The following NIBAN1 variants were observed in gnomAD, a reference collection of about 807,000 sequenced individuals.
NIBAN1 encodes protein Niban 1.
A neutral mutation model predicts 75.1 loss-of-function variants in NIBAN1; 81 were observed. That is an observed-to-expected ratio of 1.08 (90% CI 0.90 to 1.30). The LOEUF (loss-of-function observed/expected upper bound fraction) is 1.30. NIBAN1 is among the 50% of genes most tolerant of loss of function. The probability of loss-of-function intolerance (pLI) is 0.00; values close to 1 mark genes in which losing one functional copy is unlikely to be tolerated. For synonymous variants in NIBAN1, 436 were observed against 424.8 expected (o/e 1.03, Z -0.32); for missense variants, 1,133 against 1,128.1 (o/e 1.00, Z -0.06).
intron 2 of NIBAN1, among the ~76,000 whole-genome samples, chr1:184,897,896 G>T (rs1456075695): frequency 6.6e-6 from 1 of 151,998 alleles, no homozygotes; most frequent in Non-Finnish European, 1.5e-5. Flanking sequence ...GTCCAATTTG[G>T]CATCATTCTT....
chr1:184,828,609 T>G (rs1654910007), intron 6 of NIBAN1, among the ~76,000 whole-genome samples: 1 of 152,202 alleles, frequency 6.6e-6, no homozygotes, highest in Admixed American at 6.5e-5. Flanking sequence ...AGAGGCCATT[T>G]CCTTTTACCA....
At chr1:184,890,477 G>T (rs476539) in intron 3 of NIBAN1, among the ~76,000 whole-genome samples, 55,511 of 152,052 alleles carry the variant, frequency 0.37, 10,985 homozygotes, top group South Asian at 0.5. Flanking sequence ...TTTACCCTAG[G>T]TATGTTCTCG....
chr1:184,817,594 G>T (rs897584588), intron 9 of NIBAN1, among the ~76,000 whole-genome samples: 4 of 152,162 alleles, frequency 2.6e-5, no homozygotes, highest in African/African-American at 4.8e-5. Flanking sequence ...ATCTCACTGT[G>T]GTTTTGATTT....
chr1:184,882,127 C>A (rs779192279), intron 5 of NIBAN1, among the ~76,000 whole-genome samples: 4 of 152,130 alleles, frequency 2.6e-5, no homozygotes, highest in Admixed American at 6.5e-5. Flanking sequence ...CATCTGCATG[C>A]GGGTAGAGGA....
intron 5 of NIBAN1, among the ~76,000 whole-genome samples, chr1:184,870,676 T>C (rs999061948): frequency 6.6e-6 from 1 of 152,212 alleles, no homozygotes; most frequent in African/African-American, 2.4e-5. Context: ...GAAGCAGCCT[T>C]TGTAAAACTG....
At chr1:184,798,873 G>A (rs889886711) in intron 12 of NIBAN1, among the ~76,000 whole-genome samples, 11 of 151,730 alleles carry the variant, frequency 7.2e-5, no homozygotes. Context: ...TTTTGCATTT[G>A]TTTTTGAGAT....
intron 5 of NIBAN1, among the ~76,000 whole-genome samples, chr1:184,844,393 C>T (rs911450170): frequency 3.3e-5 from 5 of 152,208 alleles, no homozygotes; most frequent in Admixed American, 6.5e-5. Flanking sequence ...GAATATTCTA[C>T]TCATCATCAT....
intron 13 of NIBAN1, among the ~76,000 whole-genome samples, chr1:184,796,950 T>G (rs926697462): frequency 6.6e-6 from 1 of 152,242 alleles, no homozygotes; most frequent in Non-Finnish European, 1.5e-5. Flanking sequence ...GAGCCCTTCC[T>G]TTGTGTAGAC....
intron 9 of NIBAN1, among the ~76,000 whole-genome samples, chr1:184,811,849 C>T (rs1042045344): frequency 3.9e-5 from 6 of 152,042 alleles, no homozygotes; most frequent in Admixed American, 6.6e-5. Context: ...TGGCTAGGAA[C>T]GGTTTTGGCA....
intron 1 of NIBAN1, among the ~76,000 whole-genome samples, chr1:184,974,086 G>A (rs978048224): frequency 6.6e-6 from 1 of 152,112 alleles, no homozygotes; most frequent in Non-Finnish European, 1.5e-5. Flanking sequence ...TCCTGCACCT[G>A]CCTCGCTCCC....
chr1:184,921,948 G>A (rs1657566426), intron 1 of NIBAN1, among the ~76,000 whole-genome samples: 1 of 152,116 alleles, frequency 6.6e-6, no homozygotes, highest in South Asian at 2.1e-4. Context: ...CTCTATAAAA[G>A]CAAATGCTTT....
Position 184,796,109 on chromosome 1 carries a change from C to A in NIBAN1, c.1667-12G>T. The A allele has an allele frequency of 6.7e-7, 1 of 1,493,404 alleles. No individual in the cohort carries two copies. Among genetic ancestry groups the A allele is most frequent in the Non-Finnish European group, 8.9e-7 (1 of 1,126,944 alleles). The allele number at this position is 1,493,404 out of a possible 1,614,324, so 92.5% of individuals were successfully genotyped here. A position where few individuals can be genotyped will look rare whatever the true frequency, so the allele number is the denominator to read the frequency against. ...AGCTTCCTTTATCACTGAGAGATAT[C>A]AGAAAACAAAACATGATTTTCTGAT... On this transcript the variant is annotated splice_polypyrimidine_tract_variant and intron_variant, in intron 13 of 13. Coordinates refer to ENST00000367511, the MANE Select transcript of NIBAN1 (RefSeq NM_052966.4).
chr1:184,961,427 T>G (rs1293735759), intron 1 of NIBAN1, among the ~76,000 whole-genome samples: 1 of 152,166 alleles, frequency 6.6e-6, no homozygotes, highest in Non-Finnish European at 1.5e-5. Flanking sequence ...AGATAGCAAC[T>G]TATTATCCTT....
At chr1:184,816,623 A>T (rs546725247) in intron 9 of NIBAN1, among the ~76,000 whole-genome samples, 8 of 152,336 alleles carry the variant, frequency 5.3e-5, no homozygotes, top group Non-Finnish European at 8.8e-5. Flanking sequence ...CTAGGGCTTT[A>T]AGAAAACACA....
chr1:184,954,116 C>A (rs1658425494), intron 1 of NIBAN1, among the ~76,000 whole-genome samples: 1 of 152,158 alleles, frequency 6.6e-6, no homozygotes, highest in Non-Finnish European at 1.5e-5. Flanking sequence ...TACACAACGG[C>A]TCAAATGTGA....
chr1:184,801,974 T>C (rs1479848500), intron 12 of NIBAN1, among the ~76,000 whole-genome samples: 2 of 152,176 alleles, frequency 1.3e-5, no homozygotes, highest in East Asian at 1.9e-4. Flanking sequence ...AAGGTAGGTG[T>C]TGGGGAGTCA....
chr1:184,829,688 G>A lies in NIBAN1; in HGVS notation c.717+2159C>T, dbSNP rs146344183. Among the ~76,000 whole-genome samples, 316 of 151,838 alleles carry A rather than the reference G, an allele frequency of 2.1e-3. 1 individual carries two copies. Among genetic ancestry groups the A allele is most frequent in the East Asian group, 0.018 (95 of 5,142 alleles). On this transcript the variant is annotated intron_variant, in intron 6 of 13. Transcript: ENST00000367511. ...TCACTGTGTTGGCCAGGCTGGTCTCGAACTCCTGGTCTTGTGATCTGCCCG... is the reference window on the plus strand; with the variant it reads ...TCACTGTGTTGGCCAGGCTGGTCTCAAACTCCTGGTCTTGTGATCTGCCCG...
At chr1:184,823,838 C>T in intron 6 of NIBAN1, 96 bp from the exon 7 acceptor site, 1 of 986,642 alleles carries the variant, frequency 1.0e-6, no homozygotes, top group Non-Finnish European at 1.6e-6. Context: ...TGTCCCTGTC[C>T]CGGACCAGAT....
At chr1:184,801,015 C>T (rs150123104) in intron 12 of NIBAN1, among the ~76,000 whole-genome samples, 5 of 152,252 alleles carry the variant, frequency 3.3e-5, no homozygotes, top group South Asian at 2.1e-4. Context: ...TGCCTTTTAT[C>T]GGCATGAGGA....
Sources: allele counts gnomAD v4.1 joint callset (sites outside exome capture counted in the v4.1 genomes callset), GRCh38; gene constraint gnomAD v4.1.1; transcripts MANE v1.5; gene names NCBI Gene and HGNC (gene_info 2026-07-23, HGNC 2026-07-21).